The following ZGRF1 variants were observed in gnomAD, a reference collection of about 807,000 sequenced individuals.
The protein encoded by ZGRF1 is 5'-3' DNA helicase ZGRF1.
A neutral mutation model predicts 203.5 loss-of-function variants in ZGRF1; 196 were observed. The ratio of observed to expected loss-of-function variants is 0.96; its 90% confidence interval spans 0.86 to 1.08. The LOEUF (loss-of-function observed/expected upper bound fraction) is 1.08. Ranked by LOEUF, ZGRF1 falls within the 50% of genes least tolerant of loss-of-function variation. The pLI, the probability that ZGRF1 is intolerant of heterozygous loss-of-function variation, is 0.00. For missense variants in ZGRF1, 2,326 were observed against 2,416.3 expected, an observed-to-expected ratio of 0.96 and a Z score of 0.78; for synonymous variants, 809 against 841.3, an observed-to-expected ratio of 0.96 and a Z score of 0.66.
chr4:112,608,859 T>C (rs991319782), intron 8 of ZGRF1, among the ~76,000 whole-genome samples: 1 of 152,220 alleles, frequency 6.6e-6, no homozygotes, highest in South Asian at 2.1e-4. Flanking sequence ...GGTTTGGTAA[T>C]GTTTGCAAGT....
chr4:112,603,512 A>T lies in ZGRF1; in HGVS notation c.2976+12T>A, dbSNP rs1418796875. ...ATGATTTGGCAAAATGCAACTATAA[A>T]AATATTTTTACCTGCAAGAAGTCAA... On this transcript the variant is annotated intron_variant, in intron 10 of 27. Coordinates refer to ENST00000505019, the MANE Select transcript of ZGRF1 (RefSeq NM_018392.5). 2 of 1,588,562 alleles carry T rather than the reference A, an allele frequency of 1.3e-6. No individual in the cohort carries two copies. Among genetic ancestry groups the T allele is most frequent in the Non-Finnish European group, 1.7e-6 (2 of 1,164,454 alleles).
At position 112,581,675 on chromosome 4, in the gene ZGRF1, C is replaced by T. The variant is rs1282203117; in HGVS notation, c.4426G>A (p.Ala1476Thr). 2 of 1,579,358 alleles carry T rather than the reference C, an allele frequency of 1.3e-6. No homozygotes were observed. The highest frequency in any genetic ancestry group is 3.8e-5 in the Admixed American group (2 of 52,680). Residue 1476 changes from alanine to threonine, a missense_variant, in exon 16 of 28, where the codon GCT becomes ACT. By Grantham distance (58) the Ala-to-Thr change is moderately conservative (BLOSUM62 0). Coordinates refer to ENST00000505019, the MANE Select transcript of ZGRF1 (RefSeq NM_018392.5). ...CAGATCAACTTACTTTTGCTATAAG[C>T]TGAAGATCTTTCCTTCCGACTTAGC... The part of the protein sequence containing the change: ...LKLSRKERSS[A>T]YSKNDLWVVS...
At position 112,539,794 on chromosome 4, in the gene ZGRF1, CCCCAAGCATTAA is replaced by C. The variant is rs1737182034; in HGVS notation, c.6172+57_6172+68del. 7.6e-6 allele frequency: 12 copies of C among 1,587,582 alleles called. No homozygotes were observed. The South Asian group carries it at 1.4e-4, about 18-fold the overall frequency. On this transcript the variant is annotated intron_variant, in intron 27 of 27. Coordinates refer to ENST00000505019, the MANE Select transcript of ZGRF1 (RefSeq NM_018392.5). ...AGCAGAGCTGTTCCTGCTTGAAGCA[CCCCAAGCATTAA>C]CCCATAAAAGTCAGTTTGAACTTGA...
chr4:112,618,435 T>C lies in ZGRF1; in HGVS notation c.1607A>G (p.Asn536Ser). The C allele has an allele frequency of 1.2e-6, 2 of 1,613,860 alleles. No homozygotes were observed. Among genetic ancestry groups the C allele is most frequent in the Non-Finnish European group, 1.7e-6 (2 of 1,179,904 alleles). The change falls in exon 6 of 28, where the codon AAT (asparagine) becomes AGT (serine). Residue 536 changes from asparagine to serine, a missense_variant. Asn to Ser is a conservative substitution (Grantham distance 46). Coordinates refer to ENST00000505019, the MANE Select transcript of ZGRF1 (RefSeq NM_018392.5). ...PFLEVTFNLN[N>S]FETSDTEEES... The stretch of plus-strand genomic sequence containing the variant: ...CTCCTCAGTGTCACTGGTCTCAAAA[T>C]TGTTCAGATTAAAAGTTACCTCCAA...
Position 112,541,159 on chromosome 4 carries a change from A to G in ZGRF1, c.5708T>C (p.Ile1903Thr). The stretch of plus-strand genomic sequence containing the variant: ...CCATTCCAATAAAGGGCTCCGCTCT[A>G]TTTCTGTTACACCATTCATGAGGGC... ...KGALMNGVTEIERSPLLEWLP... is the reference protein window; with the variant it reads ...KGALMNGVTETERSPLLEWLP... The change falls in exon 25 of 28, where the codon ATA becomes ACA. Residue 1903 changes from isoleucine to threonine, a missense_variant. Coordinates refer to ENST00000505019, the MANE Select transcript of ZGRF1 (RefSeq NM_018392.5). 1 of 1,611,806 alleles carries G rather than the reference A, an allele frequency of 6.2e-7. No individual in the cohort carries two copies. The highest frequency in any genetic ancestry group is 8.5e-7 in the Non-Finnish European group (1 of 1,178,878).
chr4:112,571,755 C>G (rs776563098), intron 16 of ZGRF1, among the ~76,000 whole-genome samples: 11 of 152,090 alleles, frequency 7.2e-5, no homozygotes, highest in Non-Finnish European at 1.3e-4. Context: ...AAGATCCCAA[C>G]AAGTTTTTCA....
At chr4:112,561,122 A>G in intron 18 of ZGRF1, 127 bp from the exon 19 acceptor site, 1 of 719,750 alleles carries the variant, frequency 1.4e-6, no homozygotes, top group East Asian at 2.7e-5. Flanking sequence ...GGAAATAAAC[A>G]GTAAGTGGAT....
chr4:112,623,921 T>C (rs1255332448), intron 3 of ZGRF1, 45 bp from the exon 4 acceptor site: 3 of 1,005,712 alleles, frequency 3.0e-6, no homozygotes, highest in African/African-American at 1.6e-5. Flanking sequence ...AACACAATTA[T>C]GCTTTTCTTA....
intron 16 of ZGRF1, among the ~76,000 whole-genome samples, chr4:112,575,778 G>A (rs1745084587): frequency 6.6e-6 from 1 of 152,226 alleles, no homozygotes; most frequent in Non-Finnish European, 1.5e-5. Context: ...CAAAGTGGCA[G>A]GAAGCTCGAA....
intron 16 of ZGRF1, among the ~76,000 whole-genome samples, chr4:112,570,308 G>T (rs1272199376): frequency 6.6e-6 from 1 of 152,150 alleles, no homozygotes; most frequent in Non-Finnish European, 1.5e-5. Context: ...ACCTTAGTAG[G>T]CTAGTCGTGG....
At chr4:112,565,010 C>A in intron 16 of ZGRF1, 2 of 936,544 alleles carry the variant, frequency 2.1e-6, no homozygotes, top group South Asian at 2.6e-5. Flanking sequence ...AGGCAGACTG[C>A]CCACAAATCA....
intron 4 of ZGRF1, among the ~76,000 whole-genome samples, chr4:112,620,700 A>T (rs2047034295): frequency 6.6e-6 from 1 of 152,048 alleles, no homozygotes; most frequent in East Asian, 1.9e-4. Context: ...CTCTACAAAA[A>T]ACTTTTAAAA....
Position 112,603,549 on chromosome 4 carries a change from G to A in ZGRF1, c.2951C>T (p.Thr984Met), listed in dbSNP as rs746470315. 2.6e-5 allele frequency: 42 copies of A among 1,612,736 alleles called. No homozygotes were observed. In the Middle Eastern group the frequency reaches 4.9e-4, roughly 19 times the overall value. Reference protein sequence around the residue: ...FMTETPELPSTCMQIDFLQVT... With the variant: ...FMTETPELPSMCMQIDFLQVT... ...CTGCAAGAAGTCAATCTGCATACACGTGCTAGGTAACTCTGGTGTCTCTGT... is the reference window on the plus strand; with the variant it reads ...CTGCAAGAAGTCAATCTGCATACACATGCTAGGTAACTCTGGTGTCTCTGT... The change falls in exon 10 of 28, where the codon ACG becomes ATG. Residue 984 changes from threonine to methionine, a missense_variant. By Grantham distance (81) the Thr-to-Met change is moderately conservative. Coordinates refer to ENST00000505019, the MANE Select transcript of ZGRF1 (RefSeq NM_018392.5).
At chr4:112,602,073 C>T (rs1750070670) in intron 10 of ZGRF1, among the ~76,000 whole-genome samples, 1 of 152,020 alleles carries the variant, frequency 6.6e-6, no homozygotes, top group Non-Finnish European at 1.5e-5. Flanking sequence ...CTCAGTGGCA[C>T]ATGCCTGTAA....
At position 112,587,351 on chromosome 4, in the gene ZGRF1, A is replaced by T; in HGVS notation, c.3706T>A (p.Ser1236Thr). The T allele has an allele frequency of 6.2e-7, 1 of 1,613,794 alleles. No homozygotes were observed. Among genetic ancestry groups the T allele is most frequent in the East Asian group, 2.2e-5 (1 of 44,866 alleles). Residue 1236 changes from serine to threonine, a missense_variant, in exon 12 of 28, where the codon TCT becomes ACT. Physicochemically the swap from Ser to Thr is moderately conservative, Grantham distance 58 (BLOSUM62 1). Coordinates refer to ENST00000505019, the MANE Select transcript of ZGRF1 (RefSeq NM_018392.5). ...ACATTTTTAATTTCCTCTGTCTTAG[A>T]AGTCTGCTTTAAATTCAGAGAAAGT... ...KVLSLNLKQT[S>T]KTEEIKNVLG...
At chr4:112,552,834 C>T (rs62316569) in intron 22 of ZGRF1, among the ~76,000 whole-genome samples, 59,442 of 151,932 alleles carry the variant, frequency 0.39, 11,867 homozygotes, top group South Asian at 0.49. Context: ...TAGGCTTGGC[C>T]GTGTGACCTG....
intron 10 of ZGRF1, among the ~76,000 whole-genome samples, chr4:112,591,209 G>C (rs561451028): frequency 9.7e-4 from 147 of 152,268 alleles, no homozygotes; most frequent in African/African-American, 3.4e-3. Context: ...ACAACCATAT[G>C]AGGTGGGTAC....
chr4:112,599,926 A>G (rs1401345904), intron 10 of ZGRF1, among the ~76,000 whole-genome samples: 2 of 152,232 alleles, frequency 1.3e-5, no homozygotes, highest in East Asian at 3.8e-4. Context: ...TTTACATAAA[A>G]TGTACTCAAT....
At chr4:112,575,425 G>A (rs1387155714) in intron 16 of ZGRF1, among the ~76,000 whole-genome samples, 2 of 152,116 alleles carry the variant, frequency 1.3e-5, no homozygotes, top group African/African-American at 4.8e-5. Flanking sequence ...GTTGGACAGT[G>A]GGTGCAGGAC....
Sources: allele counts gnomAD v4.1 joint callset (sites outside exome capture counted in the v4.1 genomes callset), GRCh38; gene constraint gnomAD v4.1.1; transcripts MANE v1.5; gene names NCBI Gene and HGNC (gene_info 2026-07-23, HGNC 2026-07-21).